The following BTBD7 variants were observed in gnomAD, a reference collection of about 807,000 sequenced individuals.
BTBD7 encodes BTB domain containing 7, also known as BTB/POZ domain-containing protein 7.
A neutral mutation model predicts 99.9 loss-of-function variants in BTBD7; 38 were observed. The observed-to-expected ratio is 0.38, with a 90% confidence interval of 0.29 to 0.50. The LOEUF (loss-of-function observed/expected upper bound fraction) is 0.50. Ranked by LOEUF, BTBD7 falls within the 20% of genes least tolerant of loss-of-function variation. The probability of loss-of-function intolerance (pLI) is 0.93; values close to 1 mark genes in which losing one functional copy is unlikely to be tolerated. For synonymous variants in BTBD7, 520 were observed against 511.4 expected (o/e 1.02, Z -0.23); for missense variants, 1,170 against 1,394.6 (o/e 0.84, Z 2.57).
intron 1 of BTBD7, among the ~76,000 whole-genome samples, chr14:93,327,690 T>A (rs2053349295): frequency 6.6e-6 from 1 of 152,148 alleles, no homozygotes; most frequent in Admixed American, 6.6e-5. Flanking sequence ...AGGGAAAGAC[T>A]CAAAACGTTT....
At chr14:93,300,786 A>ATTTT (rs71129626) in intron 1 of BTBD7, among the ~76,000 whole-genome samples, 9 of 101,770 alleles carry the variant, frequency 8.8e-5, no homozygotes, top group African/African-American at 3.2e-4. Flanking sequence ...ATATATATAT[A>ATTTT]TTTTTTTTTT....
intron 3 of BTBD7, among the ~76,000 whole-genome samples, chr14:93,267,742 A>G (rs1451185919): frequency 6.6e-6 from 1 of 152,158 alleles, no homozygotes; most frequent in Non-Finnish European, 1.5e-5. Flanking sequence ...CCCATATCCA[A>G]TCTATCACCA....
At chr14:93,292,603 T>C (rs11624040) in intron 3 of BTBD7, among the ~76,000 whole-genome samples, 2 of 152,220 alleles carry the variant, frequency 1.3e-5, no homozygotes, top group African/African-American at 4.8e-5. Flanking sequence ...TTCCCACTCA[T>C]GTTTATCAAC....
intron 1 of BTBD7, among the ~76,000 whole-genome samples, chr14:93,310,314 A>C (rs1341520988): frequency 6.6e-6 from 1 of 152,138 alleles, no homozygotes; most frequent in African/African-American, 2.4e-5. Context: ...ACATTTCTCA[A>C]ATTGTTTTTT....
intron 5 of BTBD7, among the ~76,000 whole-genome samples, chr14:93,258,385 A>AT (rs1005221271): frequency 3.3e-5 from 5 of 151,294 alleles, no homozygotes; most frequent in Admixed American, 6.6e-5. Flanking sequence ...TTTTCAAAAT[A>AT]TTTTTTTTTC....
intron 9 of BTBD7, 139 bp from the exon 10 acceptor site, chr14:93,246,425 GGCCAGAA>G (rs2052312255): frequency 7.8e-6 from 8 of 1,020,770 alleles, no homozygotes; most frequent in Middle Eastern, 3.1e-4. Context: ...TATTTTTCTA[GGCCAGAA>G]GCCCAAGAAA....
At chr14:93,260,842 T>C (rs945487927) in intron 5 of BTBD7, among the ~76,000 whole-genome samples, 45 of 152,274 alleles carry the variant, frequency 3.0e-4, no homozygotes, top group African/African-American at 1.1e-3. Context: ...CGTGAGCCAC[T>C]GCACCCAGCC....
intron 1 of BTBD7, among the ~76,000 whole-genome samples, chr14:93,310,610 T>C (rs185750655): frequency 2.9e-4 from 44 of 152,176 alleles, no homozygotes; most frequent in African/African-American, 1.0e-3. Flanking sequence ...CCGGGTGTGG[T>C]GGCACGCACC....
At chr14:93,290,786 G>A (rs1179317791) in intron 3 of BTBD7, among the ~76,000 whole-genome samples, 1 of 151,920 alleles carries the variant, frequency 6.6e-6, no homozygotes, top group Non-Finnish European at 1.5e-5. Flanking sequence ...CATCTCCCGG[G>A]TTCAAACGAT....
chr14:93,294,995 T>G, intron 2 of BTBD7, 58 bp from the exon 3 acceptor site: 1 of 1,440,742 alleles, frequency 6.9e-7, no homozygotes, highest in Non-Finnish European at 9.1e-7. Context: ...ATTTTCAACG[T>G]TTAACATTTT....
chr14:93,328,707 A>G (rs373254334), intron 1 of BTBD7, among the ~76,000 whole-genome samples: 3 of 151,542 alleles, frequency 2.0e-5, no homozygotes, highest in African/African-American at 7.2e-5. Context: ...CTTGAGTCCA[A>G]AAGTTCGAGA....
chr14:93,253,710 C>G lies in BTBD7; in HGVS notation c.1689G>C (p.Arg563=). 1 of 1,613,186 alleles carries G rather than the reference C, an allele frequency of 6.2e-7. No individual in the cohort carries two copies. The highest frequency in any genetic ancestry group is 1.3e-5 in the African/African-American group (1 of 74,952). Residue 563 remains arginine (R), a synonymous_variant, in exon 7 of 11, where the codon CGG becomes CGC. Transcript: ENST00000334746. ...TEGGKSNAWL[R]QKNAGIYVRP... ...GAACATAGATGCCAGCATTTTTTTG[C>G]CGTAACCAGGCATTTGACTTCCCAC...
chr14:93,266,464 C>T (rs1358251861), intron 3 of BTBD7, among the ~76,000 whole-genome samples: 2 of 151,592 alleles, frequency 1.3e-5, no homozygotes, highest in Non-Finnish European at 3.0e-5. Context: ...GACATGAGAG[C>T]TGTCTTTAAA....
chr14:93,324,702 CCAGAAA>C (rs1218989702), intron 1 of BTBD7, among the ~76,000 whole-genome samples: 1 of 152,162 alleles, frequency 6.6e-6, no homozygotes, highest in Non-Finnish European at 1.5e-5. Flanking sequence ...ATCTTCTCCC[CCAGAAA>C]CAGAATGTCT....
At chr14:93,281,751 G>A (rs2052722661) in intron 3 of BTBD7, among the ~76,000 whole-genome samples, 1 of 152,172 alleles carries the variant, frequency 6.6e-6, no homozygotes, top group Non-Finnish European at 1.5e-5. Flanking sequence ...ACTGGCCACA[G>A]TATATCACTA....
At chr14:93,274,636 T>C (rs550314815) in intron 3 of BTBD7, among the ~76,000 whole-genome samples, 3 of 152,362 alleles carry the variant, frequency 2.0e-5, no homozygotes, top group South Asian at 4.1e-4. Context: ...CATGCTTGTA[T>C]TGGCTTGTTC....
intron 3 of BTBD7, among the ~76,000 whole-genome samples, chr14:93,281,703 G>A (rs1356631552): frequency 6.6e-6 from 1 of 152,184 alleles, no homozygotes; most frequent in African/African-American, 2.4e-5. Context: ...TACACACACA[G>A]ATATGCACAT....
chr14:93,244,981 C>T (rs2052287137), intron 10 of BTBD7, among the ~76,000 whole-genome samples: 1 of 151,560 alleles, frequency 6.6e-6, no homozygotes, highest in Non-Finnish European at 1.5e-5. Context: ...CACCTTAGCC[C>T]CATGAGTAGC....
chr14:93,264,398 TC>T (rs1872435304), intron 3 of BTBD7, among the ~76,000 whole-genome samples: 1 of 152,204 alleles, frequency 6.6e-6, no homozygotes, highest in Admixed American at 6.5e-5. Context: ...AATGCACACC[TC>T]AGAATAAGGT....
Sources: gnomAD v4.1 joint callset for allele counts (sites outside exome capture counted in the v4.1 genomes callset) on GRCh38, gnomAD v4.1.1 for gene constraint, MANE v1.5 for transcripts, NCBI Gene and HGNC (gene_info 2026-07-23, HGNC 2026-07-21) for gene names.